Variants in PTPRD observed in about 807,000 individuals in gnomAD.
PTPRD encodes the protein receptor-type tyrosine-protein phosphatase delta.
A neutral mutation model predicts 214.5 loss-of-function variants in PTPRD; 34 were observed. The ratio of observed to expected loss-of-function variants is 0.16; its 90% CI spans 0.12 to 0.21. PTPRD has a LOEUF of 0.21. Ranked by LOEUF, PTPRD falls within the 10% of genes least tolerant of loss-of-function variation. PTPRD has a pLI of 1.00. For synonymous variants in PTPRD, 1,128 were observed against 845.7 expected (o/e 1.33, Z -5.79); for missense variants, 2,545 against 2,398.7 (o/e 1.06, Z -1.27).
At chr9:9,246,246 G>C (rs753195076) in intron 9 of PTPRD, among the ~76,000 whole-genome samples, 2 of 151,908 alleles carry the variant, frequency 1.3e-5, no homozygotes, top group East Asian at 3.9e-4. Context: ...AGTGTCCTCC[G>C]ATATGTCTCG....
chr9:10,274,258 T>C (rs995046853), intron 3 of PTPRD, among the ~76,000 whole-genome samples: 1 of 152,126 alleles, frequency 6.6e-6, no homozygotes, highest in African/African-American at 2.4e-5. Context: ...CTTTTGTATG[T>C]GACATTGGGG....
intron 7 of PTPRD, among the ~76,000 whole-genome samples, chr9:9,621,873 G>A (rs1018447950): frequency 2.0e-5 from 3 of 152,032 alleles, no homozygotes; most frequent in South Asian, 2.1e-4. Context: ...CTTTATTTAG[G>A]TTTGTTTTAT....
At chr9:9,784,465 A>G (rs913809111) in intron 5 of PTPRD, among the ~76,000 whole-genome samples, 1 of 152,084 alleles carries the variant, frequency 6.6e-6, no homozygotes, top group African/African-American at 2.4e-5. Flanking sequence ...TTCTAATCTC[A>G]CATTCTAGAA....
chr9:9,001,586 A>C (rs1589589776), intron 11 of PTPRD, among the ~76,000 whole-genome samples: 1 of 152,112 alleles, frequency 6.6e-6, no homozygotes, highest in East Asian at 1.9e-4. Context: ...TCAGAGTTTT[A>C]AGAGAAGTTG....
intron 11 of PTPRD, among the ~76,000 whole-genome samples, chr9:8,849,953 A>C (rs2097779942): frequency 6.6e-6 from 1 of 152,200 alleles, no homozygotes; most frequent in Non-Finnish European, 1.5e-5. Flanking sequence ...CAGAACACAT[A>C]GGAAAGGTAG....
intron 10 of PTPRD, among the ~76,000 whole-genome samples, chr9:9,055,624 G>A (rs752667030): frequency 4.6e-5 from 7 of 151,936 alleles, no homozygotes; most frequent in Non-Finnish European, 7.4e-5. Context: ...GCCTCAAAAC[G>A]TAGTAAAAGT....
chr9:8,835,319 A>G (rs1377031091), intron 11 of PTPRD, among the ~76,000 whole-genome samples: 5 of 152,202 alleles, frequency 3.3e-5, no homozygotes, highest in African/African-American at 1.2e-4. Context: ...CTACAAACAC[A>G]GCTGAGGAGA....
chr9:8,586,163 G>A (rs1408655546), intron 14 of PTPRD, among the ~76,000 whole-genome samples: 4 of 152,138 alleles, frequency 2.6e-5, no homozygotes, highest in East Asian at 1.9e-4. Context: ...AGCTAGGCGT[G>A]GCGGCGTGTG....
At chr9:9,002,792 G>C (rs967365664) in intron 11 of PTPRD, among the ~76,000 whole-genome samples, 1 of 152,032 alleles carries the variant, frequency 6.6e-6, no homozygotes, top group African/African-American at 2.4e-5. Flanking sequence ...TGCTTGACCA[G>C]CTCTTTCCAG....
chr9:8,449,402 T>C (rs1406543036), intron 34 of PTPRD, among the ~76,000 whole-genome samples: 6 of 152,158 alleles, frequency 3.9e-5, no homozygotes, highest in Non-Finnish European at 2.9e-5. Flanking sequence ...AACTGAATTC[T>C]TTCCAGAGTG....
intron 5 of PTPRD, among the ~76,000 whole-genome samples, chr9:9,789,579 G>C (rs1174588): frequency 0.78 from 118,654 of 151,642 alleles, 47,463 homozygotes; most frequent in African/African-American, 0.91. Context: ...GGGCGGATCA[G>C]GAGATCAGGA....
intron 9 of PTPRD, among the ~76,000 whole-genome samples, chr9:9,367,113 A>C (rs1374104277): frequency 6.6e-6 from 1 of 151,542 alleles, no homozygotes; most frequent in African/African-American, 2.4e-5. Context: ...AAATGAAGAA[A>C]GCTAATATAA....
chr9:10,060,909 T>TTTCG (rs2097763645), intron 3 of PTPRD, among the ~76,000 whole-genome samples: 1 of 100,848 alleles, frequency 9.9e-6, no homozygotes, highest in African/African-American at 8.0e-5. Flanking sequence ...TCTTTCTTTC[T>TTTCG]TTCTTTCTTT....
chr9:10,530,934 G>C (rs1277878201), intron 2 of PTPRD, among the ~76,000 whole-genome samples: 2 of 151,906 alleles, frequency 1.3e-5, no homozygotes, highest in Non-Finnish European at 2.9e-5. Flanking sequence ...ACAGACAATG[G>C]ATGCTAAAAT....
chr9:9,818,348 A>G (rs2049463359), intron 5 of PTPRD, among the ~76,000 whole-genome samples: 1 of 152,076 alleles, frequency 6.6e-6, no homozygotes, highest in Non-Finnish European at 1.5e-5. Context: ...TTATCAGCTG[A>G]GCATTTCAGC....
intron 7 of PTPRD, among the ~76,000 whole-genome samples, chr9:9,651,284 G>GT (rs1361039270): frequency 6.6e-6 from 1 of 152,018 alleles, no homozygotes; most frequent in African/African-American, 2.4e-5. Context: ...GTGCAGATTT[G>GT]TTACATAGGC....
intron 10 of PTPRD, among the ~76,000 whole-genome samples, chr9:9,081,113 C>T (rs2099758362): frequency 6.6e-6 from 1 of 152,066 alleles, no homozygotes; most frequent in African/African-American, 2.4e-5. Context: ...ATCTTTCCTG[C>T]TTTCTCCTGT....
intron 35 of PTPRD, among the ~76,000 whole-genome samples, chr9:8,430,293 A>G (rs1360556991): frequency 6.6e-6 from 1 of 151,680 alleles, no homozygotes; most frequent in African/African-American, 2.4e-5. Flanking sequence ...TTTTTCAGAC[A>G]GGGTCTCCCT....
Position 9,774,175 on chromosome 9 carries a change from G to A in PTPRD, c.-367-7324C>T, listed in dbSNP as rs977075147. Among the ~76,000 whole-genome samples the A allele has an allele frequency of 2.0e-5, 3 of 152,194 alleles. No homozygotes were observed. The South Asian group carries it at 6.2e-4, about 32-fold the overall frequency. ...CACAGTGTGCCCCGCAGCTAGAAAT[G>A]ATGAATCTTCAGGTGCTACTTGGCT... On this transcript the variant is annotated intron_variant, in intron 5 of 45. Transcript: ENST00000381196.
Sources: gnomAD v4.1 joint callset for allele counts (sites outside exome capture counted in the v4.1 genomes callset) on GRCh38, gnomAD v4.1.1 for gene constraint, MANE v1.5 for transcripts, NCBI Gene and HGNC (gene_info 2026-07-23, HGNC 2026-07-21) for gene names.